DHRSX: variants seen among roughly 807,000 people sequenced by gnomAD.
DHRSX encodes the protein polyprenol dehydrogenase.
Under a neutral mutation model 34.0 loss-of-function variants are expected in DHRSX, and 31 were observed. The observed-to-expected ratio is 0.91, with a 90% CI of 0.69 to 1.23. The LOEUF (loss-of-function observed/expected upper bound fraction) is 1.23, where lower values mean the gene tolerates loss of function less well. Among genes scored for constraint, DHRSX ranks in the 50% most tolerant of loss-of-function variants. DHRSX has a pLI of 0.00. For missense variants in DHRSX, 414 were observed against 428.1 expected (o/e 0.97, Z 0.29); for synonymous variants, 201 against 183.8 (o/e 1.09, Z -0.76).
rs775884407 is a variant in DHRSX at position 2,459,835 on chromosome X, C to T, written c.110-34531G>A. ...AGGTGTATCTACACTGGGCCGGGCG[C>T]GGTGGCTCACGCCTGTCATCCCAGC... On this transcript the variant is annotated intron_variant, in intron 1 of 6. Transcript: ENST00000334651. Among the ~76,000 whole-genome samples the T allele has an allele frequency of 3.3e-5, 5 of 151,968 alleles. No homozygotes were observed. In the East Asian group the frequency reaches 9.7e-4, roughly 30 times the overall value.
intron 1 of DHRSX, among the ~76,000 whole-genome samples, chrX:2,445,877 G>A (rs1367014097): frequency 6.7e-6 from 1 of 150,168 alleles, no homozygotes; most frequent in African/African-American, 2.5e-5. Flanking sequence ...AAGGGACTCC[G>A]CCATGTACAC....
At chrX:2,414,624 C>A (rs946103475) in intron 2 of DHRSX, among the ~76,000 whole-genome samples, 1 of 151,900 alleles carries the variant, frequency 6.6e-6, no homozygotes, top group South Asian at 2.1e-4. Flanking sequence ...ATAACCAAAC[C>A]AACTAGACCT....
chrX:2,314,142 A>G (rs2042196932), intron 3 of DHRSX, among the ~76,000 whole-genome samples: 1 of 139,274 alleles, frequency 7.2e-6, no homozygotes, highest in Non-Finnish European at 1.5e-5. Context: ...TATGTCCCAG[A>G]TCTGGGAAGG....
chrX:2,460,481 G>C (rs1363939106), intron 1 of DHRSX, among the ~76,000 whole-genome samples: 1 of 152,002 alleles, frequency 6.6e-6, no homozygotes, highest in Admixed American at 6.5e-5. Context: ...GCAGTGGCAT[G>C]ATCGTAGCTT....
At chrX:2,333,752 C>T (rs1237426027) in intron 3 of DHRSX, among the ~76,000 whole-genome samples, 1 of 152,052 alleles carries the variant, frequency 6.6e-6, no homozygotes, top group Non-Finnish European at 1.5e-5. Flanking sequence ...TCCCACCCTT[C>T]ACCCTCAAGC....
intron 3 of DHRSX, among the ~76,000 whole-genome samples, chrX:2,302,052 G>A (rs183708246): frequency 6.6e-6 from 1 of 152,112 alleles, no homozygotes; most frequent in Non-Finnish European, 1.5e-5. Flanking sequence ...ACACACCTGA[G>A]GTTGAGACAC....
chrX:2,270,784 G>A (rs1330343453), intron 4 of DHRSX, among the ~76,000 whole-genome samples: 2 of 152,190 alleles, frequency 1.3e-5, no homozygotes, highest in Non-Finnish European at 2.9e-5. Flanking sequence ...GAGACCTTTT[G>A]TCTAGCTAAA....
intron 1 of DHRSX, chrX:2,489,730 G>A: frequency 6.2e-7 from 1 of 1,613,164 alleles, no homozygotes; most frequent in Non-Finnish European, 8.5e-7. Flanking sequence ...CATAGAGCAT[G>A]TACATGGCCA....
At chrX:2,483,360 C>T (rs1435242174) in intron 1 of DHRSX, among the ~76,000 whole-genome samples, 2 of 152,122 alleles carry the variant, frequency 1.3e-5, no homozygotes, top group East Asian at 3.8e-4. Flanking sequence ...AACTCCCAAG[C>T]TCAAGTGATC....
chrX:2,403,400 T>C (rs2043512145), intron 3 of DHRSX, among the ~76,000 whole-genome samples: 1 of 152,238 alleles, frequency 6.6e-6, no homozygotes, highest in African/African-American at 2.4e-5. Context: ...TTCTGTAAGA[T>C]TGGCTTAAAG....
At chrX:2,352,240 T>C (rs922887464) in intron 3 of DHRSX, among the ~76,000 whole-genome samples, 2 of 152,114 alleles carry the variant, frequency 1.3e-5, no homozygotes, top group Non-Finnish European at 2.9e-5. Flanking sequence ...TATCCCAAGA[T>C]GTTCAGTATG....
chrX:2,464,384 T>A (rs1332555135), intron 1 of DHRSX, among the ~76,000 whole-genome samples: 1 of 112,000 alleles, frequency 8.9e-6, no homozygotes, highest in Non-Finnish European at 1.9e-5. Context: ...GTTCCCTAAG[T>A]GTGTGGCTAA....
intron 1 of DHRSX, 195 bp downstream of exon 1, chrX:2,500,622 G>A (rs1363886067): frequency 4.7e-6 from 1 of 210,760 alleles, no homozygotes; most frequent in Non-Finnish European, 9.1e-6. Flanking sequence ...GGGACGGAAA[G>A]CGCGGGGCGG....
intron 3 of DHRSX, among the ~76,000 whole-genome samples, chrX:2,325,195 T>C (rs761877859): frequency 1.3e-5 from 2 of 152,160 alleles, no homozygotes; most frequent in Non-Finnish European, 2.9e-5. Context: ...CGGGAGGACC[T>C]AGGGACTAGA....
intron 4 of DHRSX, among the ~76,000 whole-genome samples, chrX:2,271,214 G>T (rs2041549771): frequency 6.6e-6 from 1 of 152,146 alleles, no homozygotes; most frequent in Non-Finnish European, 1.5e-5. Flanking sequence ...AAAACTCCAG[G>T]CACATCTGAA....
chrX:2,267,819 G>A (rs972562843), intron 4 of DHRSX, among the ~76,000 whole-genome samples: 1 of 151,984 alleles, frequency 6.6e-6, no homozygotes, highest in African/African-American at 2.4e-5. Flanking sequence ...GGTGGTGCGT[G>A]CCTGTAGTCC....
At chrX:2,394,783 G>A (rs1436611039) in intron 3 of DHRSX, among the ~76,000 whole-genome samples, 5 of 152,120 alleles carry the variant, frequency 3.3e-5, no homozygotes, top group African/African-American at 9.6e-5. Context: ...GGAGAATGGC[G>A]TGAACCTGGG....
chrX:2,472,260 A>G (rs1444028008), intron 1 of DHRSX, among the ~76,000 whole-genome samples: 1 of 152,112 alleles, frequency 6.6e-6, no homozygotes, highest in African/African-American at 2.4e-5. Context: ...GTTCCCACTG[A>G]TAAGTGACAG....
intron 3 of DHRSX, among the ~76,000 whole-genome samples, chrX:2,324,919 C>T (rs755671248): frequency 4.2e-4 from 63 of 149,310 alleles, no homozygotes; most frequent in African/African-American, 1.5e-3. Context: ...TAGGTACGCA[C>T]CACCAAGCCC....
Sources: allele counts gnomAD v4.1 joint callset (sites outside exome capture counted in the v4.1 genomes callset), GRCh38; gene constraint gnomAD v4.1.1; transcripts MANE v1.5; gene names NCBI Gene and HGNC (gene_info 2026-07-23, HGNC 2026-07-21).